CCDC59: variants seen among roughly 807,000 people sequenced by gnomAD.
CCDC59 encodes the protein thyroid transcription factor 1-associated protein 26.
A neutral mutation model predicts 30.5 loss-of-function variants in CCDC59; 27 were observed. That is an observed-to-expected ratio of 0.89 (90% CI 0.65 to 1.22). The LOEUF is 1.22. Among genes scored for constraint, CCDC59 ranks in the 50% most tolerant of loss-of-function variants. The pLI, the probability that CCDC59 is intolerant of heterozygous loss-of-function variation, is 0.00. For synonymous variants in CCDC59, 125 were observed against 100.9 expected (o/e 1.24, Z -1.43); for missense variants, 362 against 284.4 (o/e 1.27, Z -1.96).
chr12:82,356,925 A>C, intron 2 of CCDC59, 35 bp downstream of exon 2: 1 of 1,490,058 alleles, frequency 6.7e-7, no homozygotes, highest in Non-Finnish European at 9.2e-7. Context: ...TAATAAAACA[A>C]CACTTAAAGG....
At chr12:82,358,745 T>G (rs890404393), upstream of CCDC59, 21 of 1,613,882 alleles carry the variant, frequency 1.3e-5, no homozygotes, top group Non-Finnish European at 1.6e-5. Context: ...CAGTGCTGGC[T>G]GCGCTGAGGA....
upstream of CCDC59, chr12:82,358,626 C>T (rs755000314): frequency 6.2e-7 from 1 of 1,614,036 alleles, no homozygotes; most frequent in Admixed American, 1.7e-5. Flanking sequence ...TGCCAAGTTG[C>T]AGGGACTGCT....
intron 1 of CCDC59, among the ~76,000 whole-genome samples, chr12:82,357,999 A>G (rs955996699): frequency 6.6e-6 from 1 of 152,194 alleles, no homozygotes; most frequent in Admixed American, 6.5e-5. Context: ...TTCTGATGAA[A>G]TACAGGGTTA....
upstream of CCDC59, chr12:82,358,567 T>C (rs758319691): frequency 3.1e-6 from 5 of 1,610,000 alleles, no homozygotes; most frequent in Admixed American, 3.3e-5. Flanking sequence ...GTGAGCGTCA[T>C]GGCGGCTTCT....
At position 82,353,134 on chromosome 12, in the gene CCDC59, C is replaced by A. The variant is rs750304229; in HGVS notation, c.*17G>T. The A allele has an allele frequency of 1.3e-6, 2 of 1,586,792 alleles. No homozygotes were observed. The highest frequency in any genetic ancestry group is 3.6e-5 in the Admixed American group (2 of 55,928). Reference sequence around the variant, plus strand: ...CCTAATAGGCAGCAGATATTTTAACCTGTAGGAACAAAATGTTTAACATTT... The same window carrying A: ...CCTAATAGGCAGCAGATATTTTAACATGTAGGAACAAAATGTTTAACATTT... On this transcript the variant is annotated 3_prime_UTR_variant, in exon 4 of 4. Transcript: ENST00000256151.
Position 82,355,888 on chromosome 12 carries a change from A to AT in CCDC59, c.464+1071dup, listed in dbSNP as rs1239884312. ...ATAAACCGTAATCTTTAAAAGCATG[A>AT]TTTTTTACCTTCCTTTCTCATGATT... On this transcript the variant is annotated intron_variant, in intron 2 of 3. Coordinates refer to ENST00000256151, the MANE Select transcript of CCDC59 (RefSeq NM_014167.5). 6 of 152,212 alleles carry AT rather than the reference A, an allele frequency of 3.9e-5. No individual in the cohort carries two copies. The South Asian group carries it at 8.3e-4, about 21-fold the overall frequency. 9.4% of individuals were successfully genotyped at this position (152,212 alleles called of 1,614,324 possible).
upstream of CCDC59, chr12:82,358,511 A>G: frequency 3.8e-6 from 6 of 1,597,608 alleles, no homozygotes; most frequent in Non-Finnish European, 4.3e-6. Flanking sequence ...ATTTGGGCCG[A>G]GCTGGCGCCT....
At position 82,353,153 on chromosome 12, in the gene CCDC59, A is replaced by C. The variant is rs751214005; in HGVS notation, c.724T>G (p.Ter242GluextTer26). Residue 242 changes from the stop codon to glutamate, a stop_lost, in exon 4 of 4, where the codon TAA becomes GAA. Transcript: ENST00000256151. Reference protein sequence around the residue: ...YLLQKIQEKC* With the variant: ...YLLQKIQEKCE Reference sequence around the variant, plus strand: ...TTTAACCTGTAGGAACAAAATGTTTAACATTTTTCTTGTATTTTTTGAAGA... The same window carrying C: ...TTTAACCTGTAGGAACAAAATGTTTCACATTTTTCTTGTATTTTTTGAAGA... The C allele has an allele frequency of 6.3e-7, 1 of 1,599,354 alleles. No individual in the cohort carries two copies. Among genetic ancestry groups the C allele is most frequent in the Non-Finnish European group, 8.5e-7 (1 of 1,176,038 alleles).
upstream of CCDC59, chr12:82,358,660 C>G (rs753996853): frequency 2.7e-5 from 44 of 1,614,174 alleles, 1 homozygote; most frequent in East Asian, 4.5e-4. Flanking sequence ...GATGCCCTGT[C>G]CATTTCCAAT....
intron 2 of CCDC59, chr12:82,356,059 C>T (rs1880997689): frequency 6.6e-6 from 1 of 152,092 alleles, no homozygotes; most frequent in African/African-American, 2.4e-5. Flanking sequence ...CTGCCTTCAT[C>T]CCCAATTACA....
chr12:82,356,237 T>G (rs1001628412), intron 2 of CCDC59: 1 of 152,256 alleles, frequency 6.6e-6, no homozygotes, highest in Non-Finnish European at 1.5e-5. Flanking sequence ...GCAGCGATAG[T>G]TTTTTATAAG....
At chr12:82,357,382 G>T (rs1321856764) in intron 1 of CCDC59, 113 bp from the exon 2 acceptor site, 1 of 846,498 alleles carries the variant, frequency 1.2e-6, no homozygotes, top group East Asian at 2.6e-5. Flanking sequence ...TCAGATTCTA[G>T]TATTATATTT....
chr12:82,358,170 A>G (rs901330917), intron 1 of CCDC59, 53 bp downstream of exon 1: 2 of 1,606,310 alleles, frequency 1.2e-6, no homozygotes, highest in Non-Finnish European at 1.7e-6. Context: ...CGAATCTTAT[A>G]TCCTAAAACT....
In CCDC59 at chr12:82,356,892, A is replaced by C. The variant is rs1427103964; in HGVS notation, c.464+68T>G. ...TAAGAAAAAATACAATTCCTATATA[A>C]ATTATCCTATAGTACTTTTAAATAA... On this transcript the variant is annotated intron_variant, in intron 2 of 3. Transcript: ENST00000256151. 4 of 1,225,686 alleles carry C rather than the reference A, an allele frequency of 3.3e-6. No homozygotes were observed. In the East Asian group the frequency reaches 1.0e-4, roughly 32 times the overall value. 75.9% of individuals were successfully genotyped at this position (1,225,686 alleles called of 1,614,324 possible).
In CCDC59 at chr12:82,358,372, G is replaced by A. The variant is rs530969051; in HGVS notation, c.5C>T (p.Ala2Val). The A allele has an allele frequency of 6.2e-7, 1 of 1,613,168 alleles. No homozygotes were observed. The highest frequency in any genetic ancestry group is 1.3e-5 in the African/African-American group (1 of 75,050). Residue 2 changes from alanine to valine, a missense_variant, in exon 1 of 4, where the codon GCG (alanine) becomes GTG (valine). Ala to Val is a moderately conservative substitution (Grantham distance 64). Coordinates refer to ENST00000256151, the MANE Select transcript of CCDC59 (RefSeq NM_014167.5). M[A>V]PVRRSAKWRP... ...CCACTTCGCGGACCGCCTCACCGGC[G>A]CCATTGCAGCCGACTAACTGCGTCA...
chr12:82,357,741 G>A (rs2068633), intron 1 of CCDC59, among the ~76,000 whole-genome samples: 140,757 of 152,314 alleles, frequency 0.92, 65,377 homozygotes, highest in East Asian at 1. Flanking sequence ...AGCAATTATC[G>A]GAAGACTGAA....
chr12:82,358,559 G>C, upstream of CCDC59: 3 of 1,609,030 alleles, frequency 1.9e-6, no homozygotes, highest in Non-Finnish European at 2.5e-6. Flanking sequence ...CTCGGAGGGT[G>C]AGCGTCATGG....
In CCDC59 at chr12:82,358,341, A is replaced by C; in HGVS notation, c.36T>G (p.Pro12=). The C allele has an allele frequency of 6.2e-7, 1 of 1,613,964 alleles. No individual in the cohort carries two copies. Among genetic ancestry groups the C allele is most frequent in the Non-Finnish European group, 8.5e-7 (1 of 1,180,028 alleles). The change falls in exon 1 of 4, where the codon CCT becomes CCG. Residue 12 remains proline (P), a synonymous_variant. Transcript: ENST00000256151. ...APVRRSAKWR[P]GGIEARGEGV... ...CTTCACCACGCGCCTCAATACCACCAGGCCGCCACTTCGCGGACCGCCTCA... is the reference window on the plus strand; with the variant it reads ...CTTCACCACGCGCCTCAATACCACCCGGCCGCCACTTCGCGGACCGCCTCA...
At chr12:82,357,946 G>A (rs1257229282) in intron 1 of CCDC59, among the ~76,000 whole-genome samples, 1 of 152,182 alleles carries the variant, frequency 6.6e-6, no homozygotes, top group African/African-American at 2.4e-5. Flanking sequence ...CAGGGTCATA[G>A]ACTCTCTCTG....
Sources: allele counts gnomAD v4.1 joint callset (sites outside exome capture counted in the v4.1 genomes callset), GRCh38; gene constraint gnomAD v4.1.1; transcripts MANE v1.5; gene names NCBI Gene and HGNC (gene_info 2026-07-23, HGNC 2026-07-21).